UQCRC2: variants seen among roughly 807,000 people sequenced by gnomAD.
UQCRC2 encodes the protein cytochrome b-c1 complex subunit 2, mitochondrial.
UQCRC2 carries 49 observed loss-of-function variants against 55.6 expected under a neutral mutation model. The observed-to-expected ratio is 0.88, with a 90% CI of 0.70 to 1.12. UQCRC2 has a LOEUF of 1.12. UQCRC2 is among the 50% of genes most tolerant of loss of function. The pLI, the probability that UQCRC2 is intolerant of heterozygous loss-of-function variation, is 0.00. For synonymous variants in UQCRC2, 193 were observed against 192.0 expected (o/e 1.01, Z -0.04); for missense variants, 506 against 547.8 (o/e 0.92, Z 0.76).
intron 8 of UQCRC2, among the ~76,000 whole-genome samples, chr16:21,970,928 G>T (rs1401342931): frequency 6.8e-6 from 1 of 147,136 alleles, no homozygotes; most frequent in Non-Finnish European, 1.5e-5. Context: ...CCATTTTTAA[G>T]TTTTTTTTTT....
intron 13 of UQCRC2, among the ~76,000 whole-genome samples, chr16:21,981,667 G>T (rs1043681863): frequency 1.3e-5 from 2 of 151,788 alleles, no homozygotes; most frequent in African/African-American, 4.8e-5. Context: ...TGGGGCTGAG[G>T]TGGGAAGGTG....
chr16:21,973,948 C>CT lies in UQCRC2; in HGVS notation c.1020dup (p.Ile341TyrfsTer16), dbSNP rs764992858. On this transcript the variant is annotated frameshift_variant, in exon 11 of 14. Transcript: ENST00000268379. LOFTEE classifies it high-confidence loss of function. ...GATTCTGGACTCTTTGGGATTTATACTATCTCCCAGGCCACAGCTGCTGGA... is the reference window on the plus strand; with the variant it reads ...GATTCTGGACTCTTTGGGATTTATACTTATCTCCCAGGCCACAGCTGCTGGA... The CT allele has an allele frequency of 5.0e-6, 8 of 1,611,466 alleles. No individual in the cohort carries two copies. Among genetic ancestry groups the CT allele is most frequent in the Non-Finnish European group, 6.8e-6 (8 of 1,179,278 alleles).
chr16:21,961,013 A>G (rs1898186405), intron 4 of UQCRC2, among the ~76,000 whole-genome samples: 1 of 151,916 alleles, frequency 6.6e-6, no homozygotes, highest in African/African-American at 2.4e-5. Flanking sequence ...TATTTTTTGT[A>G]CAAATGGAGG....
intron 13 of UQCRC2, among the ~76,000 whole-genome samples, chr16:21,981,096 C>T (rs1458286860): frequency 6.6e-6 from 1 of 152,150 alleles, no homozygotes; most frequent in Non-Finnish European, 1.5e-5. Context: ...TCATATGATC[C>T]AACCTAAATA....
Position 21,962,521 on chromosome 16 carries a change from G to A in UQCRC2, c.389+5G>A, listed in dbSNP as rs1305406738. Reference sequence around the variant, plus strand: ...GGAATGCCTGCGGGGTGATGTGTAAGTACCTGTGTGTGTTTAGGACTTCTG... The same window carrying A: ...GGAATGCCTGCGGGGTGATGTGTAAATACCTGTGTGTGTTTAGGACTTCTG... On this transcript the variant is annotated splice_donor_5th_base_variant and intron_variant, in intron 5 of 13. Coordinates refer to ENST00000268379, the MANE Select transcript of UQCRC2 (RefSeq NM_003366.4). 6.2e-7 allele frequency: 1 copy of A among 1,614,190 alleles called. No homozygotes were observed. The highest frequency in any genetic ancestry group is 1.1e-5 in the South Asian group (1 of 91,086).
At chr16:21,965,305 A>C in intron 6 of UQCRC2, 103 bp from the exon 7 acceptor site, 1 of 1,065,154 alleles carries the variant, frequency 9.4e-7, no homozygotes, top group South Asian at 1.4e-5. Context: ...TATGAATGCC[A>C]GAAGATGACC....
At chr16:21,978,126 G>A (rs956287930) in intron 12 of UQCRC2, among the ~76,000 whole-genome samples, 1 of 152,156 alleles carries the variant, frequency 6.6e-6, no homozygotes, top group African/African-American at 2.4e-5. Flanking sequence ...TAATGTCAAA[G>A]TATGTTTTCT....
chr16:21,965,498 C>CAGA lies in UQCRC2; in HGVS notation c.606_608dup (p.Glu204dup). ...GACTATAGGATTGGAAAAGTGACAT[C>CAGA]AGAGGAGGTACCAATAAAACATATT... is the stretch of plus-strand genomic sequence containing the variant. On this transcript the variant is annotated inframe_insertion, in exon 7 of 14. Coordinates refer to ENST00000268379, the MANE Select transcript of UQCRC2 (RefSeq NM_003366.4). 6.3e-7 allele frequency: 1 copy of CAGA among 1,594,310 alleles called. No homozygotes were observed. The highest frequency in any genetic ancestry group is 8.5e-7 in the Non-Finnish European group (1 of 1,172,030).
intron 12 of UQCRC2, chr16:21,977,007 TATAAAC>T (rs1164498630): frequency 3.3e-5 from 5 of 151,950 alleles, no homozygotes; most frequent in South Asian, 2.1e-4. Flanking sequence ...AGTTAAGAGT[TATAAAC>T]ATAACGAAAG....
intron 13 of UQCRC2, 63 bp downstream of exon 13, chr16:21,980,763 G>C (rs922770436): frequency 2.8e-5 from 44 of 1,586,790 alleles, no homozygotes; most frequent in Admixed American, 5.1e-5. Flanking sequence ...TCCAATTTCA[G>C]AAGGATGCAT....
chr16:21,979,796 A>G (rs1484781429), intron 12 of UQCRC2, among the ~76,000 whole-genome samples: 1 of 152,160 alleles, frequency 6.6e-6, no homozygotes. Flanking sequence ...TGTTGTCAGT[A>G]AGTAATAGGA....
rs1245696571 is a variant in UQCRC2, at chr16:21,980,489, A to AG, written c.1125-57dup. ...TGTTCACAGCCCCCCGCCACCACTC[A>AG]GAAAAAAAAAATAATTGCCTTGCTC... is the stretch of plus-strand genomic sequence containing the variant. On this transcript the variant is annotated intron_variant, in intron 12 of 13. Coordinates refer to ENST00000268379, the MANE Select transcript of UQCRC2 (RefSeq NM_003366.4). The AG allele has an allele frequency of 2.5e-5, 39 of 1,532,400 alleles. No homozygotes were observed. In the East Asian group the frequency reaches 8.5e-4, roughly 34 times the overall value. The allele number at this position is 1,532,400 out of a possible 1,614,324, so 94.9% of individuals were successfully genotyped here. A position where few individuals can be genotyped will look rare whatever the true frequency, so the allele number is the denominator to read the frequency against.
chr16:21,953,531 T>C (rs1320384969), intron 1 of UQCRC2, 75 bp downstream of exon 1: 23 of 1,559,258 alleles, frequency 1.5e-5, no homozygotes, highest in Non-Finnish European at 1.7e-5. Flanking sequence ...CGGAGGTGTC[T>C]GGTCTGGGGT....
At chr16:21,961,651 T>TATATATATAC (rs1898205149) in intron 4 of UQCRC2, among the ~76,000 whole-genome samples, 1 of 105,338 alleles carries the variant, frequency 9.5e-6, no homozygotes, top group South Asian at 2.6e-4. Flanking sequence ...TATATATATA[T>TATATATATAC]ATATATATAT....
chr16:21,953,558 G>T, intron 1 of UQCRC2, 102 bp downstream of exon 1: 1 of 1,448,622 alleles, frequency 6.9e-7, no homozygotes, highest in Non-Finnish European at 9.3e-7. Context: ...CTTGGGATTC[G>T]GTCTGCCCTT....
intron 7 of UQCRC2, among the ~76,000 whole-genome samples, chr16:21,966,289 C>T (rs1187774705): frequency 6.6e-6 from 1 of 152,152 alleles, no homozygotes; most frequent in Non-Finnish European, 1.5e-5. Flanking sequence ...CTCGCTCACT[C>T]ATTCACGTTC....
At chr16:21,973,613 G>A (rs1898514851) in intron 10 of UQCRC2, among the ~76,000 whole-genome samples, 1 of 152,150 alleles carries the variant, frequency 6.6e-6, no homozygotes, top group South Asian at 2.1e-4. Flanking sequence ...ATTAGTGTTT[G>A]CATAAACCTT....
chr16:21,982,983 AGAATGTCCTATCC>A, intron 13 of UQCRC2, 92 bp from the exon 14 acceptor site: 2 of 960,074 alleles, frequency 2.1e-6, no homozygotes, highest in Non-Finnish European at 3.0e-6. Flanking sequence ...AAAAAAAAAA[AGAATGTCCTATCC>A]ATAAATTCTT....
chr16:21,971,605 G>A lies in UQCRC2; in HGVS notation c.751G>A (p.Ala251Thr), dbSNP rs779473664. ...RGGLGLSGAK[A>T]NYRGGEIREQ... Reference sequence around the variant, plus strand: ...TGGGCTTGGTTTATCTGGTGCAAAGGCCAACTACCGTGGAGGTAAGCATTT... The same window carrying A: ...TGGGCTTGGTTTATCTGGTGCAAAGACCAACTACCGTGGAGGTAAGCATTT... Residue 251 changes from alanine (A) to threonine (T), a missense_variant, in exon 9 of 14, where the codon GCC becomes ACC. Physicochemically the swap from Ala to Thr is moderately conservative, Grantham distance 58. Transcript: ENST00000268379. 8 of 1,613,892 alleles carry A rather than the reference G, an allele frequency of 5.0e-6. No individual in the cohort carries two copies. Among genetic ancestry groups the A allele is most frequent in the Admixed American group, 1.7e-5 (1 of 59,970 alleles).
Sources: gnomAD v4.1 joint callset for allele counts (sites outside exome capture counted in the v4.1 genomes callset) on GRCh38, gnomAD v4.1.1 for gene constraint, MANE v1.5 for transcripts, NCBI Gene and HGNC (gene_info 2026-07-23, HGNC 2026-07-21) for gene names.